The following SLC2A9 variants were observed in gnomAD, a reference collection of about 807,000 sequenced individuals.
SLC2A9 encodes solute carrier family 2 member 9, also known as solute carrier family 2, facilitated glucose transporter member 9.
SLC2A9 carries 39 observed loss-of-function variants against 50.6 expected under a neutral mutation model. The ratio of observed to expected loss-of-function variants is 0.77; its 90% CI spans 0.60 to 1.01. The LOEUF is 1.01. SLC2A9 is among the 50% of genes least tolerant of loss of function. The pLI, the probability that SLC2A9 is intolerant of heterozygous loss-of-function variation, is 0.00. For synonymous variants in SLC2A9, 324 were observed against 276.9 expected, an observed-to-expected ratio of 1.17 and a Z score of -1.69; for missense variants, 686 against 677.6, an observed-to-expected ratio of 1.01 and a Z score of -0.14.
At chr4:9,795,410 C>T (rs1300598992), downstream of SLC2A9, among the ~76,000 whole-genome samples, 1 of 152,154 alleles carries the variant, frequency 6.6e-6, no homozygotes, top group Non-Finnish European at 1.5e-5. Flanking sequence ...AAAGTTAAAA[C>T]CTCAAGGAGG....
intron 3 of SLC2A9, among the ~76,000 whole-genome samples, chr4:9,804,819 AG>A (rs1414569053): frequency 6.6e-6 from 1 of 152,178 alleles, no homozygotes; most frequent in Non-Finnish European, 1.5e-5. Flanking sequence ...GTTAGGGTAG[AG>A]TCCACTCATG....
chr4:9,917,207 T>A (rs1257672542), intron 7 of SLC2A9, among the ~76,000 whole-genome samples: 2 of 150,506 alleles, frequency 1.3e-5, no homozygotes, highest in Admixed American at 6.6e-5. Context: ...TTTTAGAGAA[T>A]GGAATTTGAA....
At chr4:9,845,020 AT>A (rs200870252) in intron 10 of SLC2A9, among the ~76,000 whole-genome samples, 10 of 147,536 alleles carry the variant, frequency 6.8e-5, no homozygotes, top group African/African-American at 1.0e-4. Context: ...AAAAAGTTCA[AT>A]TTTTTTTTTT....
chr4:9,880,611 C>A (rs1357396923), intron 10 of SLC2A9: 1 of 970,286 alleles, frequency 1.0e-6, no homozygotes, highest in Non-Finnish European at 1.2e-6. Context: ...GGCAGATATG[C>A]AGATGAGTCC....
intron 6 of SLC2A9, among the ~76,000 whole-genome samples, chr4:9,926,126 C>T (rs1224162737): frequency 6.6e-6 from 1 of 152,102 alleles, no homozygotes; most frequent in Non-Finnish European, 1.5e-5. Context: ...GAGCCCACAC[C>T]TGGGAGTGCC....
chr4:9,913,328 TGTGAGAGAGAGA>T (rs1742211920), intron 7 of SLC2A9, among the ~76,000 whole-genome samples: 7 of 136,614 alleles, frequency 5.1e-5, no homozygotes, highest in African/African-American at 1.6e-4. Context: ...TGTGTGTGTG[TGTGAGAGAGAGA>T]GAGAGAGAGA....
chr4:9,885,853 C>A (rs1321929025), intron 10 of SLC2A9, among the ~76,000 whole-genome samples: 1 of 152,214 alleles, frequency 6.6e-6, no homozygotes, highest in South Asian at 2.1e-4. Context: ...ATGGCTGTGT[C>A]CACACTACCA....
intron 7 of SLC2A9, among the ~76,000 whole-genome samples, chr4:9,913,772 G>T (rs1480664755): frequency 1.3e-5 from 2 of 152,206 alleles, no homozygotes; most frequent in African/African-American, 4.8e-5. Context: ...TCTGCCTGTG[G>T]CTGGGTCTAG....
At chr4:10,039,898 T>C (rs1374128053) in intron 1 of SLC2A9, among the ~76,000 whole-genome samples, 2 of 152,336 alleles carry the variant, frequency 1.3e-5, no homozygotes, top group East Asian at 3.9e-4. Context: ...AGGAGGGAAT[T>C]GCAAGCATCT....
intron 11 of SLC2A9, among the ~76,000 whole-genome samples, chr4:9,827,576 T>C (rs1470935983): frequency 6.6e-6 from 1 of 152,236 alleles, no homozygotes; most frequent in African/African-American, 2.4e-5. Flanking sequence ...TTAAGCTTGA[T>C]CCCTGGATCA....
At chr4:9,850,757 C>A (rs1729754396) in intron 10 of SLC2A9, among the ~76,000 whole-genome samples, 1 of 152,142 alleles carries the variant, frequency 6.6e-6, no homozygotes, top group African/African-American at 2.4e-5. Flanking sequence ...TGTGAGTGGA[C>A]CTTGCCTCCC....
At chr4:9,837,581 G>C (rs1727301770) in intron 10 of SLC2A9, among the ~76,000 whole-genome samples, 1 of 152,186 alleles carries the variant, frequency 6.6e-6, no homozygotes, top group Non-Finnish European at 1.5e-5. Context: ...CTGACAAATT[G>C]CCTCCTGGTA....
intron 8 of SLC2A9, among the ~76,000 whole-genome samples, chr4:9,904,161 G>T (rs1179888682): frequency 6.6e-6 from 1 of 152,092 alleles, no homozygotes; most frequent in African/African-American, 2.4e-5. Flanking sequence ...TGCTGCTGTA[G>T]CGAGTTACCA....
chr4:9,997,514 A>T (rs750707589), intron 2 of SLC2A9, among the ~76,000 whole-genome samples: 1 of 152,208 alleles, frequency 6.6e-6, no homozygotes, highest in South Asian at 2.1e-4. Flanking sequence ...AGTCTGGCCA[A>T]GATGGTGAAA....
chr4:9,984,180 G>C (rs1756337941), intron 4 of SLC2A9, among the ~76,000 whole-genome samples: 1 of 152,176 alleles, frequency 6.6e-6, no homozygotes, highest in African/African-American at 2.4e-5. Flanking sequence ...TGGACTATTA[G>C]AGAGGCCTAG....
At chr4:10,034,078 C>A (rs16892419) in intron 1 of SLC2A9, 13,900 of 152,370 alleles carry the variant, frequency 0.091, 1,142 homozygotes, top group East Asian at 0.46. Flanking sequence ...ACATATACAC[C>A]ACAGAACGTC....
chr4:9,971,626 G>T (rs1753923642), intron 5 of SLC2A9, among the ~76,000 whole-genome samples: 1 of 151,728 alleles, frequency 6.6e-6, no homozygotes, highest in African/African-American at 2.4e-5. Context: ...CCTCACCTAG[G>T]GATAATCAAA....
intron 5 of SLC2A9, among the ~76,000 whole-genome samples, chr4:9,974,272 A>C (rs908565826): frequency 1.2e-4 from 19 of 152,214 alleles, no homozygotes; most frequent in African/African-American, 4.6e-4. Context: ...ATAGCAATAA[A>C]GTTCTAGCCA....
intron 1 of SLC2A9, chr4:10,029,003 G>A (rs1379053008): frequency 6.6e-6 from 1 of 152,270 alleles, no homozygotes; most frequent in African/African-American, 2.4e-5. Flanking sequence ...TGCAGTCTCT[G>A]TGCTTCTCAC....
Sources: allele counts gnomAD v4.1 joint callset (sites outside exome capture counted in the v4.1 genomes callset), GRCh38; gene constraint gnomAD v4.1.1; transcripts MANE v1.5; gene names NCBI Gene and HGNC (gene_info 2026-07-23, HGNC 2026-07-21).